EP300: variants seen among roughly 807,000 people sequenced by gnomAD.
EP300 encodes histone acetyltransferase p300.
In EP300, 31 loss-of-function variants were observed where a neutral mutation model predicts 264.0. The observed-to-expected ratio is 0.12, with a 90% CI of 0.09 to 0.16. EP300 has a LOEUF of 0.16. Among genes scored for constraint, EP300 ranks in the 10% least tolerant of loss-of-function variants. The pLI, the probability that EP300 is intolerant of heterozygous loss-of-function variation, is 1.00. For synonymous variants in EP300, 1,340 were observed against 1,045.4 expected (o/e 1.28, Z -5.44); for missense variants, 2,766 against 3,052.9 (o/e 0.91, Z 2.21).
At chr22:41,148,196 G>T (rs2047725857) in intron 12 of EP300, among the ~76,000 whole-genome samples, 1 of 152,164 alleles carries the variant, frequency 6.6e-6, no homozygotes, top group Non-Finnish European at 1.5e-5. Flanking sequence ...CCTGATGTCT[G>T]TCTTCCCTCC....
chr22:41,167,584 GTATATATATA>G (rs56131556), intron 23 of EP300, among the ~76,000 whole-genome samples: 165 of 34,334 alleles, frequency 4.8e-3, no homozygotes, highest in East Asian at 0.019. Flanking sequence ...GTGTGTGTGT[GTATATATATA>G]TATATATATA....
Position 41,115,240 on chromosome 22 carries a change from T to G in EP300, c.95-1947T>G, listed in dbSNP as rs541790257. 8.5e-5 allele frequency among the ~76,000 whole-genome samples: 13 copies of G among 152,236 alleles called. 1 individual carries two copies. The highest frequency in any genetic ancestry group is 4.6e-4 in the Admixed American group (7 of 15,284). Reference sequence around the variant, plus strand: ...CCCCCAGGGGATGTTTGGTGATGTCTGGAGACAGTTTTGATTGTCACAATT... The same window carrying G: ...CCCCCAGGGGATGTTTGGTGATGTCGGGAGACAGTTTTGATTGTCACAATT... On this transcript the variant is annotated intron_variant, in intron 1 of 30. Transcript: ENST00000263253.
In EP300 at chr22:41,154,720, G is replaced by T. The variant is rs554198872; in HGVS notation, c.3143-275G>T. On this transcript the variant is annotated intron_variant, in intron 16 of 30. Transcript: ENST00000263253. ...TTGGATTCTGCTTCTAATTGACCGAGTCTGTCTTCACTGACTTTGTGACTG... is the reference window on the plus strand; with the variant it reads ...TTGGATTCTGCTTCTAATTGACCGATTCTGTCTTCACTGACTTTGTGACTG... Among the ~76,000 whole-genome samples, 195 of 152,210 alleles carry T rather than the reference G, an allele frequency of 1.3e-3. 1 individual carries two copies. The highest frequency in any genetic ancestry group is 2.0e-3 in the Non-Finnish European group (134 of 68,024).
Position 41,178,839 on chromosome 22 carries a change from T to A in EP300, c.7128T>A (p.Leu2376=). 6.2e-7 allele frequency: 1 copy of A among 1,614,202 alleles called. No homozygotes were observed. The highest frequency in any genetic ancestry group is 8.5e-7 in the Non-Finnish European group (1 of 1,180,022). The change falls in exon 31 of 31, where the codon CTT becomes CTA. Residue 2376 remains leucine (L), a synonymous_variant. Transcript: ENST00000263253. ...SPDQNSMLSQ[L]ASNPGMANLH... ...ACCAGAATTCAATGCTTTCTCAGCT[T>A]GCTAGCAATCCAGGCATGGCAAACC...
intron 1 of EP300, among the ~76,000 whole-genome samples, chr22:41,116,454 C>A (rs112624735): frequency 2.0e-5 from 3 of 151,986 alleles, no homozygotes; most frequent in Non-Finnish European, 2.9e-5. Context: ...TGAGTGAGAA[C>A]ATGCGGTGTT....
intron 1 of EP300, 102 bp downstream of exon 1, chr22:41,093,200 C>G (rs201863770): frequency 1.7e-6 from 2 of 1,157,844 alleles, no homozygotes; most frequent in Admixed American, 2.2e-5. Flanking sequence ...CTCTAGTTCC[C>G]TGCCCCTTAA....
chr22:41,129,241 G>A (rs952573465), intron 4 of EP300, among the ~76,000 whole-genome samples: 5 of 151,982 alleles, frequency 3.3e-5, no homozygotes, highest in Non-Finnish European at 5.9e-5. Context: ...TCTATCTCCT[G>A]ACCTCGTGAT....
intron 1 of EP300, among the ~76,000 whole-genome samples, chr22:41,116,973 T>C (rs1052409444): frequency 7.2e-5 from 11 of 152,228 alleles, no homozygotes; most frequent in Middle Eastern, 3.4e-3. Context: ...GATGGTAGAA[T>C]CACTTGAACC....
chr22:41,160,431 CA>C (rs537593150), intron 19 of EP300: 170 of 362,684 alleles, frequency 4.7e-4, no homozygotes, highest in Middle Eastern at 7.7e-4. Context: ...AAAAAAAAAA[CA>C]AAAAAAAACA....
intron 1 of EP300, among the ~76,000 whole-genome samples, chr22:41,116,818 T>C (rs1390790664): frequency 6.6e-6 from 1 of 152,192 alleles, no homozygotes; most frequent in Non-Finnish European, 1.5e-5. Flanking sequence ...CCCAGCACTT[T>C]GGAAGGCCAA....
Position 41,166,614 on chromosome 22 carries a change from C to A in EP300, c.3822C>A (p.Gly1274=). The A allele has an allele frequency of 6.2e-7, 1 of 1,612,750 alleles. No homozygotes were observed. Among genetic ancestry groups the A allele is most frequent in the Non-Finnish European group, 8.5e-7 (1 of 1,179,258 alleles). Residue 1274 remains glycine, a synonymous_variant, in exon 23 of 31, where the codon GGC becomes GGA. Transcript: ENST00000263253. Reference sequence around the variant, plus strand: ...TTACATTTAGATTCGTCTGTGATGGCTGTTTAAAGAAAAGTGCACGAACTA... The same window carrying A: ...TTACATTTAGATTCGTCTGTGATGGATGTTTAAAGAAAAGTGCACGAACTA... ...IIWPAGFVCD[G]CLKKSARTRK... is the part of the protein sequence containing the mutation.
intron 1 of EP300, among the ~76,000 whole-genome samples, chr22:41,099,273 TC>T (rs1240931412): frequency 3.3e-5 from 5 of 151,918 alleles, no homozygotes; most frequent in Admixed American, 6.6e-5. Context: ...GACCTCGTGA[TC>T]CACCCACCTC....
In EP300 at chr22:41,180,009, G is replaced by A. The variant is rs913322838; in HGVS notation, c.*1053G>A. 2.6e-5 allele frequency: 6 copies of A among 230,178 alleles called. No homozygotes were observed. Among genetic ancestry groups the A allele is most frequent in the African/African-American group, 4.4e-5 (2 of 44,972 alleles). 14.3% of individuals were successfully genotyped at this position (230,178 alleles called of 1,614,324 possible). On this transcript the variant is annotated 3_prime_UTR_variant, in exon 31 of 31. Transcript: ENST00000263253. ...TGATTACTTATAAATATGAACTTTG[G>A]ATCACTGTATAGACTGTTAAATTTG... is the stretch of plus-strand genomic sequence containing the variant.
chr22:41,122,461 C>T (rs771148297), intron 2 of EP300, among the ~76,000 whole-genome samples: 2 of 152,028 alleles, frequency 1.3e-5, no homozygotes, highest in Admixed American at 1.3e-4. Flanking sequence ...CCACCGTGCC[C>T]GACCAAGAAA....
intron 29 of EP300, 24 bp downstream of exon 29, chr22:41,173,808 G>A: frequency 1.2e-6 from 2 of 1,613,516 alleles, no homozygotes; most frequent in Non-Finnish European, 1.7e-6. Context: ...ACCCAGAGTT[G>A]GGGAAAAACG....
intron 1 of EP300, among the ~76,000 whole-genome samples, chr22:41,096,628 T>C (rs1375315135): frequency 6.7e-6 from 1 of 149,142 alleles, no homozygotes; most frequent in East Asian, 1.9e-4. Flanking sequence ...TTTTTTTTTT[T>C]TTTTTTTGAG....
At chr22:41,122,634 T>A (rs2058859180) in intron 2 of EP300, among the ~76,000 whole-genome samples, 1 of 152,174 alleles carries the variant, frequency 6.6e-6, no homozygotes, top group African/African-American at 2.4e-5. Flanking sequence ...TTTTTTTCAT[T>A]TTTTGGTAAT....
intron 1 of EP300, among the ~76,000 whole-genome samples, chr22:41,114,529 GT>G (rs1406246219): frequency 6.6e-6 from 1 of 152,158 alleles, no homozygotes; most frequent in Admixed American, 6.6e-5. Flanking sequence ...AAAGGAAAGA[GT>G]AATTCTGTAA....
At chr22:41,167,003 T>A (rs895873956) in intron 23 of EP300, among the ~76,000 whole-genome samples, 3 of 152,218 alleles carry the variant, frequency 2.0e-5, no homozygotes, top group African/African-American at 7.2e-5. Flanking sequence ...TTTATTATTT[T>A]TTATTTTATT....
Sources: gnomAD v4.1 joint callset for allele counts (sites outside exome capture counted in the v4.1 genomes callset) on GRCh38, gnomAD v4.1.1 for gene constraint, MANE v1.5 for transcripts, NCBI Gene and HGNC (gene_info 2026-07-23, HGNC 2026-07-21) for gene names.